Variants in KIF6 observed in about 807,000 individuals in gnomAD.
The protein encoded by KIF6 is kinesin-like protein KIF6.
In KIF6, 106 loss-of-function variants were observed where a neutral mutation model predicts 112.7. The observed-to-expected ratio is 0.94, with a 90% CI of 0.80 to 1.11. KIF6 has a LOEUF of 1.11. KIF6 is among the 50% of genes least tolerant of loss of function. The pLI, the probability that KIF6 is intolerant of heterozygous loss-of-function variation, is 0.00. For synonymous variants in KIF6, 339 were observed against 339.9 expected (o/e 1.00, Z 0.03); for missense variants, 929 against 964.0 (o/e 0.96, Z 0.48).
chr6:39,464,053 TG>T (rs1283513381), intron 13 of KIF6, among the ~76,000 whole-genome samples: 1 of 152,208 alleles, frequency 6.6e-6, no homozygotes, highest in East Asian at 1.9e-4. Flanking sequence ...TTCTGCTACA[TG>T]TGTGTTATGG....
At chr6:39,356,540 C>T (rs1446257342) in intron 19 of KIF6, among the ~76,000 whole-genome samples, 1 of 152,226 alleles carries the variant, frequency 6.6e-6, no homozygotes, top group Non-Finnish European at 1.5e-5. Flanking sequence ...GCTGGGATTA[C>T]AGGCATGAGC....
At chr6:39,651,447 T>G (rs1304975419) in intron 3 of KIF6, among the ~76,000 whole-genome samples, 3 of 152,094 alleles carry the variant, frequency 2.0e-5, no homozygotes, top group Non-Finnish European at 4.4e-5. Context: ...GTGTGGTGGG[T>G]GCTGAGAGAA....
chr6:39,544,063 G>A lies in KIF6; in HGVS notation c.1426+492C>T, dbSNP rs899641144. Among the ~76,000 whole-genome samples, 37 of 152,182 alleles carry A rather than the reference G, an allele frequency of 2.4e-4. 1 individual carries two copies. The highest frequency in any genetic ancestry group is 5.9e-5 in the Non-Finnish European group (4 of 68,032). On this transcript the variant is annotated intron_variant, in intron 12 of 22. Coordinates refer to ENST00000287152, the MANE Select transcript of KIF6 (RefSeq NM_145027.6). ...AAAAGTTACATTTAAATCAATCTCT[G>A]CTCTTCATAAGCTAAATACCATTTG...
At chr6:39,666,189 C>T (rs1786454893) in intron 3 of KIF6, among the ~76,000 whole-genome samples, 1 of 152,154 alleles carries the variant, frequency 6.6e-6, no homozygotes, top group African/African-American at 2.4e-5. Flanking sequence ...GTTGGTAACA[C>T]CTTAAAAATC....
Position 39,421,291 on chromosome 6 carries a change from A to T in KIF6, c.1755-1288T>A, listed in dbSNP as rs148060976. Among the ~76,000 whole-genome samples, 436 of 152,320 alleles carry T rather than the reference A, an allele frequency of 2.9e-3. 1 individual carries two copies. Among genetic ancestry groups the T allele is most frequent in the Non-Finnish European group, 4.6e-3 (314 of 68,018 alleles). On this transcript the variant is annotated intron_variant, in intron 14 of 22. Transcript: ENST00000287152. Reference sequence around the variant, plus strand: ...AGGAGTTTTTAGAAAATGTTTTATTATGAAAATTTCCAAATATACACAGGA... The same window carrying T: ...AGGAGTTTTTAGAAAATGTTTTATTTTGAAAATTTCCAAATATACACAGGA...
chr6:39,390,812 A>G (rs11751610), intron 15 of KIF6, among the ~76,000 whole-genome samples: 5,490 of 152,262 alleles, frequency 0.036, 179 homozygotes, highest in Non-Finnish European at 0.048. Context: ...TCTGAGTGAC[A>G]ATTTCAGCTG....
Position 39,343,629 on chromosome 6 carries a change from C to T in KIF6, c.2428+80G>A, listed in dbSNP as rs1256576315. The T allele has an allele frequency of 4.9e-6, 6 of 1,236,466 alleles. No individual in the cohort carries two copies. In the East Asian group the frequency reaches 1.2e-4, roughly 25 times the overall value. 76.6% of individuals were successfully genotyped at this position (1,236,466 alleles called of 1,614,324 possible). ...GGAATATGCAGGAAACTCCCTACTC[C>T]CCTCCCACCTCACTGTGTGCTCCCC... On this transcript the variant is annotated intron_variant, in intron 22 of 22. Coordinates refer to ENST00000287152, the MANE Select transcript of KIF6 (RefSeq NM_145027.6). This position sits in a 1 kb window ranked among gnomAD's most constrained non-coding sequence, Gnocchi z 4.1.
At chr6:39,345,922 C>A in intron 20 of KIF6, 133 bp from the exon 21 acceptor site, 5 of 647,880 alleles carry the variant, frequency 7.7e-6, no homozygotes, top group South Asian at 7.6e-5. Context: ...CCCTAATTCC[C>A]AGTGTGATGG....
chr6:39,660,483 G>A (rs918284289), intron 3 of KIF6, among the ~76,000 whole-genome samples: 1 of 152,148 alleles, frequency 6.6e-6, no homozygotes, highest in Non-Finnish European at 1.5e-5. Context: ...TCCCTTCGGA[G>A]GTTTTGAAGT....
chr6:39,712,890 G>A (rs552236925), intron 3 of KIF6, among the ~76,000 whole-genome samples: 11 of 152,208 alleles, frequency 7.2e-5, no homozygotes, highest in African/African-American at 1.2e-4. Context: ...AACATGGCAC[G>A]TGTATACCTA....
intron 22 of KIF6, 38 bp from the exon 23 acceptor site, chr6:39,336,586 A>T (rs569348612): frequency 6.2e-7 from 1 of 1,607,022 alleles, no homozygotes; most frequent in African/African-American, 1.3e-5. Flanking sequence ...TAGGCTGTGC[A>T]TGCAGACACT....
intron 15 of KIF6, among the ~76,000 whole-genome samples, chr6:39,402,081 C>T (rs1319337931): frequency 6.6e-6 from 1 of 152,170 alleles, no homozygotes; most frequent in African/African-American, 2.4e-5. Context: ...CTTTGGCTCA[C>T]ATTCTGCATG....
chr6:39,448,930 T>G (rs1053595270), intron 13 of KIF6, among the ~76,000 whole-genome samples: 1 of 152,176 alleles, frequency 6.6e-6, no homozygotes, highest in Non-Finnish European at 1.5e-5. Flanking sequence ...TCCCCCTAAT[T>G]GTTTCCATAT....
rs541553867 is a variant in KIF6, at chr6:39,567,389, C to T, written c.1181+10667G>A. On this transcript the variant is annotated intron_variant, in intron 10 of 22. Coordinates refer to ENST00000287152, the MANE Select transcript of KIF6 (RefSeq NM_145027.6). ...GCATGACCATCTTAAGATAGCTAGT[C>T]TCCTTAGACTAGGAGAGTCAAGATG... 2.6e-5 allele frequency among the ~76,000 whole-genome samples: 4 copies of T among 152,274 alleles called. No individual in the cohort carries two copies. The South Asian group carries it at 8.3e-4, about 32-fold the overall frequency.
chr6:39,701,455 G>A (rs576853160), intron 3 of KIF6, among the ~76,000 whole-genome samples: 1 of 152,338 alleles, frequency 6.6e-6, no homozygotes, highest in South Asian at 2.1e-4. Context: ...CTCTGTGCCC[G>A]AGCCTGCCTG....
intron 13 of KIF6, among the ~76,000 whole-genome samples, chr6:39,499,047 C>G (rs1258398170): frequency 6.6e-6 from 1 of 152,176 alleles, no homozygotes. Flanking sequence ...GTGGAAAGAG[C>G]AAAGAATCTG....
Position 39,342,939 on chromosome 6 carries a change from C to T in KIF6, c.2428+770G>A, listed in dbSNP as rs775451084. The T allele has an allele frequency of 1.9e-5, 19 of 985,354 alleles. No individual in the cohort carries two copies. The South Asian group carries it at 2.3e-4, about 12-fold the overall frequency. The allele number at this position is 985,354 out of a possible 1,614,324, so 61.0% of individuals were successfully genotyped here. A position where few individuals can be genotyped will look rare whatever the true frequency, so the allele number is the denominator to read the frequency against. On this transcript the variant is annotated intron_variant, in intron 22 of 22. Coordinates refer to ENST00000287152, the MANE Select transcript of KIF6 (RefSeq NM_145027.6). The surrounding 1 kb of genome is among the most constrained non-coding windows in gnomAD (Gnocchi z 4.7). ...TCGAATCTGCCAGCCCATACCATCA[C>T]GGTGGGGGCGCCTTTCTGGCAATGT...
chr6:39,623,173 G>T (rs752164985), intron 5 of KIF6, among the ~76,000 whole-genome samples: 2 of 152,152 alleles, frequency 1.3e-5, no homozygotes, highest in Non-Finnish European at 2.9e-5. Context: ...TAATTTAGAA[G>T]TAGTATAACA....
At chr6:39,497,573 C>A (rs544312446) in intron 13 of KIF6, among the ~76,000 whole-genome samples, 5 of 152,022 alleles carry the variant, frequency 3.3e-5, no homozygotes, top group Non-Finnish European at 7.4e-5. Context: ...AACCATCAGT[C>A]TAAGGCAGGC....
Sources: allele counts gnomAD v4.1 joint callset (sites outside exome capture counted in the v4.1 genomes callset), GRCh38; gene constraint gnomAD v4.1.1; non-coding constraint Gnocchi (gnomAD v3.1); transcripts MANE v1.5; gene names NCBI Gene and HGNC (gene_info 2026-07-23, HGNC 2026-07-21).